The following STAC variants were observed in gnomAD, a reference collection of about 807,000 sequenced individuals.
The protein encoded by STAC is SH3 and cysteine rich domain.
Under a neutral mutation model 48.8 loss-of-function variants are expected in STAC, and 43 were observed. That is an observed-to-expected ratio of 0.88 (90% CI 0.69 to 1.14). The LOEUF is 1.14. Ranked by LOEUF, STAC falls within the 50% of genes most tolerant of loss-of-function variation. The pLI is 0.00. For missense variants in STAC, 497 were observed against 504.0 expected, an observed-to-expected ratio of 0.99 and a Z score of 0.13; for synonymous variants, 193 against 179.5, an observed-to-expected ratio of 1.07 and a Z score of -0.60.
chr3:36,452,637 A>G (rs761541152), intron 2 of STAC, among the ~76,000 whole-genome samples: 17 of 152,238 alleles, frequency 1.1e-4, no homozygotes, highest in Non-Finnish European at 1.5e-4. Context: ...AAGGCAAAAT[A>G]CCAAGAATTA....
At chr3:36,473,176 A>G (rs2125693016) in intron 2 of STAC, among the ~76,000 whole-genome samples, 1 of 152,198 alleles carries the variant, frequency 6.6e-6, no homozygotes, top group East Asian at 1.9e-4. Context: ...AGACTTATTC[A>G]CTATCACAAG....
chr3:36,507,632 T>A (rs994152028), intron 8 of STAC, among the ~76,000 whole-genome samples: 3 of 152,222 alleles, frequency 2.0e-5, no homozygotes, highest in Non-Finnish European at 4.4e-5. Flanking sequence ...GACTTCTTTC[T>A]GATTTAGTCT....
intron 10 of STAC, among the ~76,000 whole-genome samples, chr3:36,529,713 T>C (rs1453804851): frequency 6.6e-6 from 1 of 152,220 alleles, no homozygotes; most frequent in East Asian, 1.9e-4. Context: ...CTCTCTGGCC[T>C]ACTCTTCCTG....
chr3:36,478,644 G>A (rs763428886), intron 2 of STAC, among the ~76,000 whole-genome samples: 8 of 152,092 alleles, frequency 5.3e-5, no homozygotes, highest in African/African-American at 1.7e-4. Context: ...ACAGGCACAC[G>A]TAACGATGCC....
chr3:36,473,289 G>A (rs1450411632), intron 2 of STAC, among the ~76,000 whole-genome samples: 1 of 152,174 alleles, frequency 6.6e-6, no homozygotes, highest in Non-Finnish European at 1.5e-5. Flanking sequence ...TGAGATTTGG[G>A]TGGGGGCACA....
chr3:36,513,489 CTG>C (rs1491338078), intron 8 of STAC, among the ~76,000 whole-genome samples: 2 of 152,314 alleles, frequency 1.3e-5, no homozygotes, highest in African/African-American at 4.8e-5. Flanking sequence ...TTCCTGGTCT[CTG>C]TGTTTTCAGT....
chr3:36,535,518 G>C (rs980775583), intron 10 of STAC, among the ~76,000 whole-genome samples: 3 of 152,172 alleles, frequency 2.0e-5, no homozygotes, highest in Admixed American at 1.3e-4. Flanking sequence ...TTGAATAGAA[G>C]TGGCGAGAGA....
intron 5 of STAC, among the ~76,000 whole-genome samples, chr3:36,492,021 AAAAAAAAAAAATATATATATATATAT>A (rs1250629326): frequency 3.8e-5 from 1 of 26,320 alleles, no homozygotes; most frequent in African/African-American, 9.9e-5. Flanking sequence ...AAAAAAAAAA[AAAAAAAAAAAATATATATATATATAT>A]ATATATATAT....
At chr3:36,542,569 C>T (rs1217955048) in intron 10 of STAC, among the ~76,000 whole-genome samples, 1 of 152,132 alleles carries the variant, frequency 6.6e-6, no homozygotes, top group Non-Finnish European at 1.5e-5. Flanking sequence ...CTTCCTACAC[C>T]TTTTTCTCTT....
chr3:36,496,463 T>C (rs1005135329), intron 6 of STAC, among the ~76,000 whole-genome samples: 10 of 152,188 alleles, frequency 6.6e-5, no homozygotes, highest in African/African-American at 2.4e-4. Flanking sequence ...ATTTATGTCT[T>C]AAAAAATGCA....
chr3:36,527,097 G>A lies in STAC; in HGVS notation c.921-1599G>A, dbSNP rs990690938. ...TGGCAGACCATAGGTATAGAATAGCGGAGAAGCCTGTCCACATCCACCTAC... is the reference window on the plus strand; with the variant it reads ...TGGCAGACCATAGGTATAGAATAGCAGAGAAGCCTGTCCACATCCACCTAC... On this transcript the variant is annotated intron_variant, in intron 8 of 10. Coordinates refer to ENST00000273183, the MANE Select transcript of STAC (RefSeq NM_003149.3). 7.9e-5 allele frequency among the ~76,000 whole-genome samples: 12 copies of A among 152,098 alleles called. No homozygotes were observed. In the South Asian group the frequency reaches 1.2e-3, roughly 16 times the overall value.
intron 2 of STAC, among the ~76,000 whole-genome samples, chr3:36,481,509 G>A (rs1697646097): frequency 6.6e-6 from 1 of 152,090 alleles, no homozygotes; most frequent in South Asian, 2.1e-4. Flanking sequence ...CCTCACTTTG[G>A]GTCTGTGGAT....
At chr3:36,393,247 T>G (rs542533163) in intron 1 of STAC, among the ~76,000 whole-genome samples, 6 of 152,178 alleles carry the variant, frequency 3.9e-5, no homozygotes, top group Non-Finnish European at 8.8e-5. Flanking sequence ...ATTCTACTTT[T>G]CCTTCATTGT....
intron 8 of STAC, among the ~76,000 whole-genome samples, chr3:36,511,431 T>C (rs1030759346): frequency 6.6e-6 from 1 of 152,208 alleles, no homozygotes; most frequent in Non-Finnish European, 1.5e-5. Flanking sequence ...CATGCATTCA[T>C]GACCCCAAAA....
intron 2 of STAC, among the ~76,000 whole-genome samples, chr3:36,451,140 G>A (rs1181037057): frequency 1.3e-5 from 2 of 152,028 alleles, no homozygotes; most frequent in Non-Finnish European, 2.9e-5. Flanking sequence ...TTGTGTGTGT[G>A]TACTGTGTTT....
chr3:36,513,980 A>T (rs1310596940), intron 8 of STAC, among the ~76,000 whole-genome samples: 1 of 152,098 alleles, frequency 6.6e-6, no homozygotes, highest in African/African-American at 2.4e-5. Context: ...TGTGACCCCC[A>T]TGAATCCTGA....
chr3:36,424,761 T>C (rs1700525146), intron 1 of STAC, among the ~76,000 whole-genome samples: 1 of 152,066 alleles, frequency 6.6e-6, no homozygotes, highest in African/African-American at 2.4e-5. Flanking sequence ...TAAAAGGAGC[T>C]CTGAATGAGC....
chr3:36,545,310 C>A (rs1295385889), intron 10 of STAC, among the ~76,000 whole-genome samples: 1 of 152,218 alleles, frequency 6.6e-6, no homozygotes, highest in East Asian at 1.9e-4. Flanking sequence ...CCCAGGCGAA[C>A]CAAGCTAGAC....
Position 36,546,337 on chromosome 3 carries a change from C to G in STAC, c.*48C>G. 6.6e-7 allele frequency: 1 copy of G among 1,520,308 alleles called. No individual in the cohort carries two copies. The highest frequency in any genetic ancestry group is 9.1e-7 in the Non-Finnish European group (1 of 1,094,720). 94.2% of individuals were successfully genotyped at this position (1,520,308 alleles called of 1,614,324 possible). Reference sequence around the variant, plus strand: ...CAGTAGGCAAGCTCTGCTGCGATGCCTCTGCCTCATCTCACACTGCGTCAA... The same window carrying G: ...CAGTAGGCAAGCTCTGCTGCGATGCGTCTGCCTCATCTCACACTGCGTCAA... On this transcript the variant is annotated 3_prime_UTR_variant, in exon 11 of 11. Transcript: ENST00000273183.
Sources: allele counts gnomAD v4.1 joint callset (sites outside exome capture counted in the v4.1 genomes callset), GRCh38; gene constraint gnomAD v4.1.1; transcripts MANE v1.5; gene names NCBI Gene and HGNC (gene_info 2026-07-23, HGNC 2026-07-21).